The following SDHD variants were observed in gnomAD, a reference collection of about 807,000 sequenced individuals.
SDHD encodes the protein succinate dehydrogenase complex subunit D, also known as succinate dehydrogenase [ubiquinone] cytochrome b small subunit, mitochondrial.
Under a neutral mutation model 18.7 loss-of-function variants are expected in SDHD, and 6 were observed. The ratio of observed to expected loss-of-function variants is 0.32; its 90% CI spans 0.18 to 0.63. The LOEUF is 0.63. Among genes scored for constraint, SDHD ranks in the 30% least tolerant of loss-of-function variants. The probability of loss-of-function intolerance (pLI) is 0.79; values close to 1 mark genes in which losing one functional copy is unlikely to be tolerated. For synonymous variants in SDHD, 56 were observed against 73.9 expected (o/e 0.76, Z 1.24); for missense variants, 160 against 192.7 (o/e 0.83, Z 1.00).
At chr11:112,093,125 A>G (rs1170228196) in intron 3 of SDHD, 6 of 378,266 alleles carry the variant, frequency 1.6e-5, no homozygotes, top group African/African-American at 4.6e-5. Flanking sequence ...ATCTCGGCTC[A>G]GCACGATCTC....
chr11:112,087,081 C>T (rs1865625230), intron 1 of SDHD, 122 bp downstream of exon 1: 14 of 1,091,744 alleles, frequency 1.3e-5, no homozygotes, highest in Non-Finnish European at 1.9e-5. Flanking sequence ...GAAATCACAG[C>T]AATGACCACT....
At chr11:112,092,263 A>G (rs1208048958) in intron 3 of SDHD, among the ~76,000 whole-genome samples, 1 of 152,100 alleles carries the variant, frequency 6.6e-6, no homozygotes, top group Non-Finnish European at 1.5e-5. Context: ...GAAGAAAAAA[A>G]AAAAGGAAAA....
chr11:112,088,861 T>C lies in SDHD; in HGVS notation c.170-6T>C, dbSNP rs753703004. The C allele has an allele frequency of 1.9e-6, 3 of 1,612,142 alleles. No homozygotes were observed. Among genetic ancestry groups the C allele is most frequent in the Admixed American group, 3.3e-5 (2 of 60,018 alleles). ...TCAACTTTTATGAATCTGGTCCTTT[T>C]TGTAGCTGGCTCCAAGGCTGCATCT... On this transcript the variant is annotated splice_polypyrimidine_tract_variant and splice_region_variant and intron_variant, in intron 2 of 3. Coordinates refer to ENST00000375549, the MANE Select transcript of SDHD (RefSeq NM_003002.4).
chr11:112,089,468 C>CT (rs1466583365), intron 3 of SDHD, among the ~76,000 whole-genome samples: 1 of 152,236 alleles, frequency 6.6e-6, no homozygotes, highest in East Asian at 1.9e-4. Context: ...CATTCCCCTT[C>CT]TCAAAACCCT....
chr11:112,095,037 A>G lies in SDHD; in HGVS notation c.*67A>G. On this transcript the variant is annotated 3_prime_UTR_variant, in exon 4 of 4. Transcript: ENST00000375549. ...TTGCCTCTGCTTTGTCATGCCATTA[A>G]GCTCACAATAAGGAAGAAATAACAG... 1 of 1,266,336 alleles carries G rather than the reference A, an allele frequency of 7.9e-7. No homozygotes were observed. The highest frequency in any genetic ancestry group is 1.2e-5 in the South Asian group (1 of 83,472). The allele number at this position is 1,266,336 out of a possible 1,614,324, so 78.4% of individuals were successfully genotyped here. A position where few individuals can be genotyped will look rare whatever the true frequency, so the allele number is the denominator to read the frequency against.
At chr11:112,087,585 A>G (rs1865642326) in intron 1 of SDHD, among the ~76,000 whole-genome samples, 1 of 152,180 alleles carries the variant, frequency 6.6e-6, no homozygotes, top group African/African-American at 2.4e-5. Flanking sequence ...GGATTTGGCG[A>G]TTGAATTTAG....
At chr11:112,093,443 T>C (rs1865785011) in intron 3 of SDHD, among the ~76,000 whole-genome samples, 1 of 152,126 alleles carries the variant, frequency 6.6e-6, no homozygotes, top group African/African-American at 2.4e-5. Context: ...AGTTGGGTAG[T>C]GGGCTAAGAG....
chr11:112,088,029 A>C, intron 2 of SDHD, 56 bp downstream of exon 2: 1 of 1,205,940 alleles, frequency 8.3e-7, no homozygotes, highest in Non-Finnish European at 1.2e-6. Flanking sequence ...TACCTTCACT[A>C]ATGGTCATGC....
chr11:112,087,351 G>C (rs779338295), intron 1 of SDHD, among the ~76,000 whole-genome samples: 22 of 152,234 alleles, frequency 1.4e-4, no homozygotes, highest in Admixed American at 3.9e-4. Flanking sequence ...GTGGAGGGGG[G>C]ATCAGTTCGA....
At chr11:112,092,524 A>G (rs534521471) in intron 3 of SDHD, among the ~76,000 whole-genome samples, 1 of 152,354 alleles carries the variant, frequency 6.6e-6, no homozygotes, top group East Asian at 1.9e-4. Flanking sequence ...GAAATTGCTC[A>G]GCATCATTTG....
intron 3 of SDHD, among the ~76,000 whole-genome samples, chr11:112,089,575 GCT>G (rs1026450829): frequency 6.6e-6 from 1 of 152,024 alleles, no homozygotes; most frequent in South Asian, 2.1e-4. Flanking sequence ...ATTTTTAGCT[GCT>G]CTCTCTCTCA....
chr11:112,089,134 A>G (rs1263949120), intron 3 of SDHD, 123 bp downstream of exon 3: 1 of 921,036 alleles, frequency 1.1e-6, no homozygotes, highest in East Asian at 2.6e-5. Flanking sequence ...ACTTTAAAAT[A>G]TATATAAAAT....
At chr11:112,094,708 A>T in intron 3 of SDHD, 97 bp from the exon 4 acceptor site, 1 of 1,124,296 alleles carries the variant, frequency 8.9e-7, no homozygotes. Context: ...TTGCATTTGA[A>T]CTTGACAGAT....
At chr11:112,088,653 CT>C (rs1263862264) in intron 2 of SDHD, 3 of 625,930 alleles carry the variant, frequency 4.8e-6, no homozygotes, top group East Asian at 5.7e-5. Flanking sequence ...TTGAGATACC[CT>C]TGTGCTAAAA....
At chr11:112,091,885 G>A (rs1865751860) in intron 3 of SDHD, among the ~76,000 whole-genome samples, 1 of 152,188 alleles carries the variant, frequency 6.6e-6, no homozygotes, top group African/African-American at 2.4e-5. Context: ...TGGCCAATAT[G>A]GTGAAACCTT....
chr11:112,090,093 CTGTT>C (rs534844121), intron 3 of SDHD, among the ~76,000 whole-genome samples: 1,601 of 134,078 alleles, frequency 0.012, 25 homozygotes, highest in African/African-American at 0.037. Context: ...CATCCAGCGC[CTGTT>C]TGTTTGTTTG....
In SDHD at chr11:112,086,882, G is replaced by C; in HGVS notation, c.-26G>C. On this transcript the variant is annotated 5_prime_UTR_variant, in exon 1 of 4. Transcript: ENST00000375549. ...TCGCCTAAGTGGTTCCGGGTTGGTG[G>C]ATGACCTTGAGCCCTCAGGAACGAG... 1 of 1,614,208 alleles carries C rather than the reference G, an allele frequency of 6.2e-7. No homozygotes were observed. Among genetic ancestry groups the C allele is most frequent in the Non-Finnish European group, 8.5e-7 (1 of 1,180,026 alleles).
At chr11:112,092,360 T>C (rs1367591328) in intron 3 of SDHD, among the ~76,000 whole-genome samples, 3 of 152,202 alleles carry the variant, frequency 2.0e-5, no homozygotes, top group Non-Finnish European at 4.4e-5. Context: ...TCACGTAGGC[T>C]ACTTCGGTTG....
At chr11:112,092,014 G>C (rs549434347) in intron 3 of SDHD, among the ~76,000 whole-genome samples, 2 of 152,324 alleles carry the variant, frequency 1.3e-5, no homozygotes, top group South Asian at 4.1e-4. Flanking sequence ...GTTGTAGTGA[G>C]CCAAGATCGT....
Sources: gnomAD v4.1 joint callset for allele counts (sites outside exome capture counted in the v4.1 genomes callset) on GRCh38, gnomAD v4.1.1 for gene constraint, MANE v1.5 for transcripts, NCBI Gene and HGNC (gene_info 2026-07-23, HGNC 2026-07-21) for gene names.